KPNA7: variants seen among roughly 807,000 people sequenced by gnomAD.
KPNA7 encodes the protein karyopherin subunit alpha 7.
A neutral mutation model predicts 53.7 loss-of-function variants in KPNA7; 54 were observed. The ratio of observed to expected loss-of-function variants is 1.01; its 90% CI spans 0.81 to 1.26. KPNA7 has a LOEUF of 1.26. Ranked by LOEUF, KPNA7 falls within the 50% of genes most tolerant of loss-of-function variation. The pLI, the probability that KPNA7 is intolerant of heterozygous loss-of-function variation, is 0.00. For missense variants in KPNA7, 640 were observed against 644.5 expected (o/e 0.99, Z 0.07); for synonymous variants, 276 against 259.3 (o/e 1.06, Z -0.62).
chr7:99,157,788 G>GT, the KPNA7 span, among the ~76,000 whole-genome samples: 4 of 151,850 alleles, frequency 2.6e-5, no homozygotes, highest in African/African-American at 4.8e-5. Flanking sequence ...TGTAACTTTT[G>GT]TTTTTTGATA....
At chr7:99,182,709 A>AG (rs1226142544) in intron 8 of KPNA7, among the ~76,000 whole-genome samples, 1 of 152,182 alleles carries the variant, frequency 6.6e-6, no homozygotes, top group East Asian at 1.9e-4. Context: ...GGGGTCTTAG[A>AG]GGGAAGCTCT....
At chr7:99,190,387 T>C (rs1182406206) in intron 6 of KPNA7, among the ~76,000 whole-genome samples, 5 of 151,704 alleles carry the variant, frequency 3.3e-5, no homozygotes, top group African/African-American at 4.8e-5. Context: ...AGAGCTCTTC[T>C]TGGCAACTGT....
At chr7:99,173,072 A>AG (rs1156236154), downstream of KPNA7, among the ~76,000 whole-genome samples, 1 of 151,242 alleles carries the variant, frequency 6.6e-6, no homozygotes, top group African/African-American at 2.4e-5. Flanking sequence ...CAAAAAAAAA[A>AG]AAAAAAAAAA....
At chr7:99,181,148 T>C (rs1462179014) in intron 9 of KPNA7, among the ~76,000 whole-genome samples, 423 of 53,778 alleles carry the variant, frequency 7.9e-3, no homozygotes, top group African/African-American at 0.021. Flanking sequence ...TGTCTCTCTC[T>C]CCGTCTGTGT....
chr7:99,185,118 A>T lies in KPNA7; in HGVS notation c.945T>A (p.Asp315Glu). The change falls in exon 8 of 11, where the codon GAT (aspartate) becomes GAA (glutamate). Residue 315 changes from aspartate to glutamate, a missense_variant. Coordinates refer to ENST00000327442, the MANE Select transcript of KPNA7 (RefSeq NM_001145715.3). ...RTVGNIVTGT[D>E]EQTQMAIDAG... ...CATCAATGGCCATCTGCGTCTGCTC[A>T]TCTGTGCCCGTGACAATGTTCCCCA... is the stretch of plus-strand genomic sequence containing the variant. The T allele has an allele frequency of 6.4e-7, 1 of 1,552,080 alleles. No individual in the cohort carries two copies. The highest frequency in any genetic ancestry group is 8.7e-7 in the Non-Finnish European group (1 of 1,147,086).
chr7:99,198,483 G>GA (rs1009656109), intron 3 of KPNA7, among the ~76,000 whole-genome samples: 4 of 150,902 alleles, frequency 2.7e-5, no homozygotes, highest in Admixed American at 1.3e-4. Flanking sequence ...TTTAACATGT[G>GA]AAAAAAAATC....
chr7:99,204,300 A>G (rs1430616963), intron 2 of KPNA7, among the ~76,000 whole-genome samples: 2 of 151,956 alleles, frequency 1.3e-5, no homozygotes, highest in African/African-American at 4.8e-5. Context: ...TGAGCCAGGG[A>G]GGTCTAGGCT....
upstream of KPNA7, among the ~76,000 whole-genome samples, chr7:99,209,391 A>G (rs1454573732): frequency 6.6e-6 from 1 of 152,102 alleles, no homozygotes; most frequent in Non-Finnish European, 1.5e-5. Context: ...GTTGCCTTCC[A>G]GCTGGTCTCC....
intron 10 of KPNA7, among the ~76,000 whole-genome samples, chr7:99,174,209 G>A (rs893086690): frequency 8.5e-5 from 13 of 152,242 alleles, no homozygotes; most frequent in South Asian, 4.1e-4. Flanking sequence ...ACCCTATTGT[G>A]AACTGCGCAT....
chr7:99,163,395 T>A, the KPNA7 span, among the ~76,000 whole-genome samples: 72 of 99,286 alleles, frequency 7.3e-4, no homozygotes, highest in African/African-American at 2.4e-3. Flanking sequence ...TTTTTTTTTT[T>A]TTTTTTTTTT....
intron 9 of KPNA7, among the ~76,000 whole-genome samples, chr7:99,180,599 GTC>G (rs892383898): frequency 1.6e-5 from 2 of 126,316 alleles, no homozygotes; most frequent in Admixed American, 7.7e-5. Flanking sequence ...CCGTCTCTCC[GTC>G]TCTGTCTCTC....
At chr7:99,195,405 T>C (rs1790178275) in intron 4 of KPNA7, 67 bp from the exon 5 acceptor site, 1 of 1,453,004 alleles carries the variant, frequency 6.9e-7, no homozygotes, top group East Asian at 2.5e-5. Flanking sequence ...GACCTCCTTT[T>C]AGGCCAGGTG....
At chr7:99,165,584 C>T in the KPNA7 span, among the ~76,000 whole-genome samples, 5 of 152,192 alleles carry the variant, frequency 3.3e-5, no homozygotes, top group Non-Finnish European at 7.3e-5. Context: ...TGCAGGTGAA[C>T]TGTCTTCCAG....
the KPNA7 span, among the ~76,000 whole-genome samples, chr7:99,167,901 T>C: frequency 2.6e-5 from 4 of 152,056 alleles, no homozygotes; most frequent in African/African-American, 4.8e-5. Context: ...TGGTGAGTTA[T>C]AGAATTGTTT....
chr7:99,179,897 G>A (rs1799088341), intron 9 of KPNA7, among the ~76,000 whole-genome samples: 2 of 152,016 alleles, frequency 1.3e-5, no homozygotes, highest in African/African-American at 4.8e-5. Flanking sequence ...TTTTTAAAAG[G>A]ACCCTAACCA....
downstream of KPNA7, among the ~76,000 whole-genome samples, chr7:99,173,081 A>AG (rs1483242123): frequency 4.0e-5 from 6 of 148,278 alleles, no homozygotes; most frequent in Admixed American, 1.4e-4. Context: ...AAAAAAAAAA[A>AG]AAAGAAAAAG....
At chr7:99,199,396 C>T (rs976175348) in intron 3 of KPNA7, among the ~76,000 whole-genome samples, 2 of 152,048 alleles carry the variant, frequency 1.3e-5, no homozygotes, top group Admixed American at 1.3e-4. Flanking sequence ...CAAAGATAAA[C>T]GTATAGATCA....
At chr7:99,203,330 A>G in intron 2 of KPNA7, 90 bp from the exon 3 acceptor site, 1 of 1,330,856 alleles carries the variant, frequency 7.5e-7, no homozygotes. Context: ...ATCCAATTTC[A>G]TTTTTACAGA....
chr7:99,161,812 C>A, the KPNA7 span, among the ~76,000 whole-genome samples: 110 of 152,144 alleles, frequency 7.2e-4, no homozygotes, highest in African/African-American at 2.6e-3. Flanking sequence ...AGAAAAGAAT[C>A]CACAAATGAG....
Sources: gnomAD v4.1 joint callset for allele counts (sites outside exome capture counted in the v4.1 genomes callset) on GRCh38, gnomAD v4.1.1 for gene constraint, MANE v1.5 for transcripts, NCBI Gene and HGNC (gene_info 2026-07-23, HGNC 2026-07-21) for gene names.